Variants in RPH3A observed in about 807,000 individuals in gnomAD.
RPH3A encodes rabphilin-3A.
In RPH3A, 48 loss-of-function variants were observed where a neutral mutation model predicts 102.2. The observed-to-expected ratio is 0.47, with a 90% CI of 0.37 to 0.60. RPH3A has a LOEUF of 0.60. RPH3A is among the 20% of genes least tolerant of loss of function. The probability of loss-of-function intolerance (pLI) is 0.00; values close to 1 mark genes in which losing one functional copy is unlikely to be tolerated. For synonymous variants in RPH3A, 310 were observed against 324.3 expected, an observed-to-expected ratio of 0.96 and a Z score of 0.47; for missense variants, 781 against 910.1, an observed-to-expected ratio of 0.86 and a Z score of 1.83.
At chr12:112,596,529 G>C (rs543677078) in intron 1 of RPH3A, among the ~76,000 whole-genome samples, 19 of 152,176 alleles carry the variant, frequency 1.2e-4, no homozygotes, top group African/African-American at 4.6e-4. Context: ...TTGTAAATCG[G>C]GTGACTGGAT....
intron 1 of RPH3A, among the ~76,000 whole-genome samples, chr12:112,692,172 C>T (rs1232035393): frequency 6.6e-6 from 1 of 151,814 alleles, no homozygotes; most frequent in African/African-American, 2.4e-5. Flanking sequence ...GGCTGGGAAG[C>T]GTAGGGGAAA....
intron 15 of RPH3A, 66 bp downstream of exon 15, chr12:112,881,912 C>A: frequency 7.6e-7 from 1 of 1,308,354 alleles, no homozygotes; most frequent in Non-Finnish European, 1.1e-6. Flanking sequence ...CCAGGGTTCT[C>A]AGCTCAGAGC....
intron 1 of RPH3A, among the ~76,000 whole-genome samples, chr12:112,705,584 AAGT>A (rs1395713466): frequency 6.6e-6 from 1 of 152,194 alleles, no homozygotes; most frequent in Non-Finnish European, 1.5e-5. Context: ...GTGTGGAAAA[AAGT>A]AGAATACAAT....
intron 1 of RPH3A, among the ~76,000 whole-genome samples, chr12:112,691,818 T>C (rs1316799297): frequency 6.6e-6 from 1 of 152,218 alleles, no homozygotes; most frequent in African/African-American, 2.4e-5. Flanking sequence ...TTAAGTGCAA[T>C]ATGTCATTGA....
intron 1 of RPH3A, among the ~76,000 whole-genome samples, chr12:112,673,982 C>T (rs2040153708): frequency 6.6e-6 from 1 of 152,200 alleles, no homozygotes. Flanking sequence ...TGGTCTTAAA[C>T]TCCTGGTTTC....
At chr12:112,779,326 G>C (rs150750819) in intron 1 of RPH3A, among the ~76,000 whole-genome samples, 2 of 152,128 alleles carry the variant, frequency 1.3e-5, no homozygotes, top group African/African-American at 2.4e-5. Flanking sequence ...GTCTCCCAGG[G>C]ACAGGCCAGT....
intron 2 of RPH3A, among the ~76,000 whole-genome samples, chr12:112,805,320 AT>A (rs58523157): frequency 9.4e-5 from 14 of 149,636 alleles, no homozygotes; most frequent in African/African-American, 2.0e-4. Context: ...ATCTTCTGGG[AT>A]TTTTTTTTTA....
In RPH3A at chr12:112,655,563, CTTTTTTTTTTT is replaced by C. The variant is rs71086113; in HGVS notation, c.-140+80261_-140+80271del. Among the ~76,000 whole-genome samples, 91 of 55,586 alleles carry C rather than the reference CTTTTTTTTTTT, an allele frequency of 1.6e-3. 1 individual carries two copies. Among genetic ancestry groups the C allele is most frequent in the African/African-American group, 5.5e-3 (73 of 13,186 alleles). The allele number at this position is 55,586 out of a possible 152,430, so 36.5% of individuals were successfully genotyped here. A position where few individuals can be genotyped will look rare whatever the true frequency, so the allele number is the denominator to read the frequency against. Reference sequence around the variant, plus strand: ...GGGCCCATCTCGAATTTTTGTTGGTCTTTTTTTTTTTTTTTTTTTTTTTTTTTGAGACAGTC... The same window carrying C: ...GGGCCCATCTCGAATTTTTGTTGGTCTTTTTTTTTTTTTTTTGAGACAGTC... On this transcript the variant is annotated intron_variant, in intron 1 of 21. Coordinates refer to the RPH3A transcript ENST00000543106.
intron 15 of RPH3A, among the ~76,000 whole-genome samples, chr12:112,882,820 C>T (rs2042937264): frequency 6.6e-6 from 1 of 152,184 alleles, no homozygotes; most frequent in Non-Finnish European, 1.5e-5. Flanking sequence ...GTCACCAGGC[C>T]ACCTCTTCTG....
upstream of RPH3A, among the ~76,000 whole-genome samples, chr12:112,790,394 C>T (rs1418728456): frequency 6.6e-6 from 1 of 152,156 alleles, no homozygotes; most frequent in Non-Finnish European, 1.5e-5. Context: ...TTTAAATGAG[C>T]TCTAAATGTT....
chr12:112,815,800 T>C (rs1046301435), intron 2 of RPH3A, among the ~76,000 whole-genome samples: 2 of 152,228 alleles, frequency 1.3e-5, no homozygotes, highest in Non-Finnish European at 2.9e-5. Flanking sequence ...TGTGTGTGCA[T>C]GTGTTGAGTG....
intron 1 of RPH3A, among the ~76,000 whole-genome samples, chr12:112,775,350 A>C (rs1204107198): frequency 2.0e-5 from 3 of 152,244 alleles, no homozygotes; most frequent in Non-Finnish European, 4.4e-5. Flanking sequence ...CCATTCATCC[A>C]CCAAGAATTT....
intron 1 of RPH3A, among the ~76,000 whole-genome samples, chr12:112,767,584 C>G (rs1320475362): frequency 7.9e-5 from 12 of 152,200 alleles, no homozygotes; most frequent in Admixed American, 7.2e-4. Context: ...GTTAACAAAA[C>G]AGTCCAGTGG....
At chr12:112,821,526 T>G (rs739834) in intron 2 of RPH3A, among the ~76,000 whole-genome samples, 1 of 151,834 alleles carries the variant, frequency 6.6e-6, no homozygotes, top group Admixed American at 6.6e-5. Context: ...GGCCTTTGCA[T>G]TTACTTTTTC....
Position 112,853,117 on chromosome 12 carries a change from A to G in RPH3A, c.230+5275A>G, listed in dbSNP as rs537658506. On this transcript the variant is annotated intron_variant, in intron 5 of 21. Transcript: ENST00000389385. ...TTCCACCTTCCCCTGTGTTTTTGGC[A>G]TATATTTTTTCCAAAATATGGACAG... Among the ~76,000 whole-genome samples, 194 of 152,302 alleles carry G rather than the reference A, an allele frequency of 1.3e-3. 1 individual carries two copies. The highest frequency in any genetic ancestry group is 6.8e-3 in the Middle Eastern group (2 of 294).
chr12:112,591,208 C>T (rs1024202858), intron 1 of RPH3A, among the ~76,000 whole-genome samples: 4 of 152,210 alleles, frequency 2.6e-5, no homozygotes, highest in Admixed American at 6.5e-5. Flanking sequence ...ACCTCAGCCT[C>T]CTGAGTAGCT....
At chr12:112,693,920 T>A (rs149059756) in intron 1 of RPH3A, among the ~76,000 whole-genome samples, 41 of 152,372 alleles carry the variant, frequency 2.7e-4, no homozygotes, top group African/African-American at 9.6e-4. Flanking sequence ...CTTGCACTGA[T>A]GTTCAGCAGT....
At chr12:112,638,793 A>G (rs2039865536) in intron 1 of RPH3A, among the ~76,000 whole-genome samples, 1 of 152,206 alleles carries the variant, frequency 6.6e-6, no homozygotes, top group African/African-American at 2.4e-5. Flanking sequence ...ATCCTGAGAT[A>G]GAGAAGGCAG....
In RPH3A at chr12:112,640,325, C is replaced by CAA. The variant is rs1158230534; in HGVS notation, c.-140+65046_-140+65047dup. Among the ~76,000 whole-genome samples, 5 of 14,078 alleles carry CAA rather than the reference C, an allele frequency of 3.6e-4. 1 individual carries two copies. Among genetic ancestry groups the CAA allele is most frequent in the Non-Finnish European group, 8.3e-4 (3 of 3,598 alleles). 9.2% of individuals were successfully genotyped at this position (14,078 alleles called of 152,430 possible). A position where few individuals can be genotyped will look rare whatever the true frequency, so the allele number is the denominator to read the frequency against. On this transcript the variant is annotated intron_variant, in intron 1 of 21. Coordinates refer to the RPH3A transcript ENST00000543106. ...GGTCAACAAGAGCAAAACTCCATCT[C>CAA]AAAAAAAAAAAAAAAAAAAAAAAAA...
Sources: gnomAD v4.1 joint callset for allele counts (sites outside exome capture counted in the v4.1 genomes callset) on GRCh38, gnomAD v4.1.1 for gene constraint, MANE v1.5 for transcripts, NCBI Gene and HGNC (gene_info 2026-07-23, HGNC 2026-07-21) for gene names.